Variants in ANKS1B observed in about 807,000 individuals in gnomAD.
The protein encoded by ANKS1B is ankyrin repeat and sterile alpha motif domain containing 1B, also known as ankyrin repeat and sterile alpha motif domain-containing protein 1B.
ANKS1B carries 36 observed loss-of-function variants against 148.3 expected under a neutral mutation model. The observed-to-expected ratio is 0.24, with a 90% CI of 0.19 to 0.32. The LOEUF is 0.32. ANKS1B is among the 10% of genes least tolerant of loss of function. The probability of loss-of-function intolerance (pLI) is 1.00; values close to 1 mark genes in which losing one functional copy is unlikely to be tolerated. For missense variants in ANKS1B, 1,157 were observed against 1,542.6 expected (o/e 0.75, Z 4.19); for synonymous variants, 542 against 560.8 (o/e 0.97, Z 0.47).
chr12:99,260,244 G>C (rs555472261), intron 12 of ANKS1B, among the ~76,000 whole-genome samples: 1 of 152,258 alleles, frequency 6.6e-6, no homozygotes, highest in South Asian at 2.1e-4. Flanking sequence ...AAATAAAAAA[G>C]AAAGTGATTT....
intron 17 of ANKS1B, chr12:99,049,063 T>C (rs1177279650): frequency 1.3e-5 from 2 of 152,250 alleles, no homozygotes; most frequent in Non-Finnish European, 2.9e-5. Flanking sequence ...CCTTCGGCTT[T>C]GATTAAAGTT....
Position 99,313,893 on chromosome 12 carries a change from A to T in ANKS1B, c.1757-67029T>A, listed in dbSNP as rs546908750. On this transcript the variant is annotated intron_variant, in intron 12 of 26. Transcript: ENST00000683438. ...TGCCCTTTCTCACCACTCCTATTCA[A>T]CATAGTATTGGAAGTTCTGGCTAGG... Among the ~76,000 whole-genome samples, 3 of 152,182 alleles carry T rather than the reference A, an allele frequency of 2.0e-5. No homozygotes were observed. The South Asian group carries it at 6.2e-4, about 31-fold the overall frequency.
At chr12:99,770,914 A>T (rs559310055) in intron 8 of ANKS1B, among the ~76,000 whole-genome samples, 57 of 152,310 alleles carry the variant, frequency 3.7e-4, no homozygotes, top group African/African-American at 1.3e-3. Context: ...AGGAACGAAG[A>T]GTGGTGTTAG....
Position 99,846,925 on chromosome 12 carries a change from G to GA in ANKS1B, c.135-21537dup, listed in dbSNP as rs1417994609. Among the ~76,000 whole-genome samples the GA allele has an allele frequency of 2.0e-5, 3 of 151,874 alleles. No individual in the cohort carries two copies. In the East Asian group the frequency reaches 5.8e-4, roughly 29 times the overall value. On this transcript the variant is annotated intron_variant, in intron 1 of 26. Coordinates refer to ENST00000683438, the MANE Select transcript of ANKS1B (RefSeq NM_001352186.2). ...CTCCTCCCCTCCCATAGGTGTAGAAGAAAAAAACACTCAACTGGGTTTCCT... is the reference window on the plus strand; with the variant it reads ...CTCCTCCCCTCCCATAGGTGTAGAAGAAAAAAAACACTCAACTGGGTTTCCT...
chr12:99,147,032 G>A (rs2073363745), intron 15 of ANKS1B, among the ~76,000 whole-genome samples: 1 of 152,162 alleles, frequency 6.6e-6, no homozygotes, highest in African/African-American at 2.4e-5. Flanking sequence ...TAGAGACCAT[G>A]TGGCTTGCAA....
In ANKS1B at chr12:99,814,200, T is replaced by C. The variant is rs2068802634; in HGVS notation, c.216-1889A>G. ...ATGTTCACACAATGATGAAATCACGTAATTAGACATTTCTCAGAATGTATC... is the reference window on the plus strand; with the variant it reads ...ATGTTCACACAATGATGAAATCACGCAATTAGACATTTCTCAGAATGTATC... On this transcript the variant is annotated intron_variant, in intron 2 of 26. Coordinates refer to ENST00000683438, the MANE Select transcript of ANKS1B (RefSeq NM_001352186.2). Among the ~76,000 whole-genome samples, 3 of 151,772 alleles carry C rather than the reference T, an allele frequency of 2.0e-5. No individual in the cohort carries two copies. The South Asian group carries it at 6.2e-4, about 31-fold the overall frequency.
chr12:99,913,300 A>T (rs1371776144), intron 1 of ANKS1B, among the ~76,000 whole-genome samples: 1 of 152,162 alleles, frequency 6.6e-6, no homozygotes, highest in Non-Finnish European at 1.5e-5. Context: ...AATAATGATG[A>T]CAGCAAACAG....
chr12:98,982,715 T>C (rs1034726252), intron 17 of ANKS1B, among the ~76,000 whole-genome samples: 1 of 152,246 alleles, frequency 6.6e-6, no homozygotes, highest in Non-Finnish European at 1.5e-5. Flanking sequence ...ATTCATATCA[T>C]TGTAATCATA....
chr12:99,007,705 G>GGAAT (rs2099936932), intron 17 of ANKS1B, among the ~76,000 whole-genome samples: 1 of 152,044 alleles, frequency 6.6e-6, no homozygotes, highest in East Asian at 1.9e-4. Context: ...GAGTGGTGTG[G>GGAAT]GAATGTTCTT....
chr12:99,727,257 A>G (rs1487300282), intron 8 of ANKS1B, among the ~76,000 whole-genome samples: 1 of 152,082 alleles, frequency 6.6e-6, no homozygotes. Context: ...CTCAGCCCCA[A>G]AACTCCTTAA....
At chr12:99,484,620 A>G (rs1370322717) in intron 10 of ANKS1B, among the ~76,000 whole-genome samples, 1 of 151,766 alleles carries the variant, frequency 6.6e-6, no homozygotes, top group Non-Finnish European at 1.5e-5. Flanking sequence ...TTATGTTGCT[A>G]TCTCATTTTT....
At chr12:98,995,547 G>C (rs1478733918) in intron 17 of ANKS1B, among the ~76,000 whole-genome samples, 2 of 152,184 alleles carry the variant, frequency 1.3e-5, no homozygotes, top group Non-Finnish European at 2.9e-5. Flanking sequence ...AGGTTCTCAG[G>C]CTCTGGAACT....
intron 1 of ANKS1B, among the ~76,000 whole-genome samples, chr12:99,859,329 T>A (rs1038794055): frequency 5.3e-5 from 8 of 152,218 alleles, no homozygotes; most frequent in African/African-American, 1.9e-4. Context: ...TTTACACGCA[T>A]AATATACTTT....
At chr12:99,643,458 T>C (rs568117930) in intron 9 of ANKS1B, among the ~76,000 whole-genome samples, 47 of 152,310 alleles carry the variant, frequency 3.1e-4, no homozygotes, top group African/African-American at 1.0e-3. Flanking sequence ...AATTCAGAAC[T>C]GCAACTGGGC....
chr12:99,271,083 T>G (rs2076988593), intron 12 of ANKS1B, among the ~76,000 whole-genome samples: 1 of 152,222 alleles, frequency 6.6e-6, no homozygotes. Flanking sequence ...TCCCTGCCTA[T>G]CTCTCTGGCA....
At chr12:99,748,325 T>A (rs1430273650) in intron 8 of ANKS1B, among the ~76,000 whole-genome samples, 1 of 152,108 alleles carries the variant, frequency 6.6e-6, no homozygotes, top group East Asian at 1.9e-4. Flanking sequence ...TAGAATATTT[T>A]ATTATTAGTT....
chr12:99,315,485 G>C (rs1697779723), intron 12 of ANKS1B, among the ~76,000 whole-genome samples: 1 of 152,088 alleles, frequency 6.6e-6, no homozygotes, highest in South Asian at 2.1e-4. Context: ...CTGATCATTA[G>C]AGAAATGCAA....
At chr12:98,743,821 C>CAGCA (rs2097825580), downstream of ANKS1B, among the ~76,000 whole-genome samples, 1 of 152,178 alleles carries the variant, frequency 6.6e-6, no homozygotes, top group African/African-American at 2.4e-5. Context: ...GTATCTTTCT[C>CAGCA]AGACTGGTTG....
chr12:99,360,284 T>C (rs1343323285), intron 12 of ANKS1B, among the ~76,000 whole-genome samples: 1 of 152,128 alleles, frequency 6.6e-6, no homozygotes, highest in Non-Finnish European at 1.5e-5. Flanking sequence ...TGAAATGAAT[T>C]AATAGGATTA....
Sources: gnomAD v4.1 joint callset for allele counts (sites outside exome capture counted in the v4.1 genomes callset) on GRCh38, gnomAD v4.1.1 for gene constraint, MANE v1.5 for transcripts, NCBI Gene and HGNC (gene_info 2026-07-23, HGNC 2026-07-21) for gene names.